Variants in SHROOM4 observed in about 807,000 individuals in gnomAD.
SHROOM4 encodes shroom family member 4.
Under a neutral mutation model 80.3 loss-of-function variants are expected in SHROOM4, and 17 were observed. The observed-to-expected ratio is 0.21, with a 90% CI of 0.14 to 0.32. The LOEUF (loss-of-function observed/expected upper bound fraction) is 0.32. SHROOM4 is among the 10% of genes least tolerant of loss of function. The pLI is 1.00. For synonymous variants in SHROOM4, 400 were observed against 437.5 expected, an observed-to-expected ratio of 0.91 and a Z score of 1.07; for missense variants, 993 against 1,140.3, an observed-to-expected ratio of 0.87 and a Z score of 1.86.
chrX:50,720,721 A>G (rs1363933156), intron 1 of SHROOM4, among the ~76,000 whole-genome samples: 2 of 111,693 alleles, frequency 1.8e-5, no homozygotes, highest in Non-Finnish European at 3.8e-5. Context: ...CCTCCCTAGC[A>G]AGCCTAAGGT....
chrX:50,782,653 A>G (rs1237318632), intron 1 of SHROOM4, among the ~76,000 whole-genome samples: 1 of 112,390 alleles, frequency 8.9e-6, no homozygotes, highest in Non-Finnish European at 1.9e-5. Context: ...CAATCGATAC[A>G]CACAATGGGA....
At chrX:50,804,034 G>A in intron 1 of SHROOM4, among the ~76,000 whole-genome samples, 1 of 112,020 alleles carries the variant, frequency 8.9e-6, no homozygotes, top group Non-Finnish European at 1.9e-5. Context: ...AATTCCCAAT[G>A]ATTAGGTAAC....
At chrX:50,724,394 A>C (rs909418402) in intron 1 of SHROOM4, among the ~76,000 whole-genome samples, 1 of 113,133 alleles carries the variant, frequency 8.8e-6, no homozygotes, top group Non-Finnish European at 1.9e-5. Context: ...GTATTTTTTA[A>C]GCTACTAAGT....
intron 1 of SHROOM4, among the ~76,000 whole-genome samples, chrX:50,722,651 T>C (rs1557265527): frequency 1.8e-5 from 2 of 110,143 alleles, no homozygotes; most frequent in African/African-American, 6.6e-5. Flanking sequence ...CTTTCATCTC[T>C]CTCTCTCTCT....
At position 50,734,296 on chromosome X, in the gene SHROOM4, T is replaced by C. The variant is rs782247346; in HGVS notation, c.118-38359A>G. Reference sequence around the variant, plus strand: ...CAAAAATTCATATGGGACCCAGAATTACAAGGGACCCAGAATACTGAAAAC... The same window carrying C: ...CAAAAATTCATATGGGACCCAGAATCACAAGGGACCCAGAATACTGAAAAC... On this transcript the variant is annotated intron_variant, in intron 1 of 8. Transcript: ENST00000376020. 5.4e-5 allele frequency among the ~76,000 whole-genome samples: 6 copies of C among 111,976 alleles called. No individual in the cohort carries two copies. In the South Asian group the frequency reaches 2.3e-3, roughly 42 times the overall value.
chrX:50,650,001 A>G (rs191554075), intron 2 of SHROOM4, among the ~76,000 whole-genome samples: 12 of 112,331 alleles, frequency 1.1e-4, no homozygotes, highest in African/African-American at 3.9e-4. Context: ...TCCAACATTT[A>G]GGAAGAGTTA....
intron 2 of SHROOM4, among the ~76,000 whole-genome samples, chrX:50,680,766 C>T (rs933833735): frequency 9.0e-6 from 1 of 111,278 alleles, no homozygotes; most frequent in Non-Finnish European, 1.9e-5. Context: ...TTAACCTTGA[C>T]CTATTTTCTC....
At chrX:50,697,081 C>A (rs1054118541) in intron 1 of SHROOM4, among the ~76,000 whole-genome samples, 2 of 111,507 alleles carry the variant, frequency 1.8e-5, no homozygotes, top group Admixed American at 9.5e-5. Context: ...GGACAACATG[C>A]TACATGCTAG....
rs782425494 is a variant in SHROOM4 at position 50,596,577 on chromosome X, T to C, written c.*118A>G. On this transcript the variant is annotated 3_prime_UTR_variant, in exon 9 of 9. Coordinates refer to ENST00000376020, the MANE Select transcript of SHROOM4 (RefSeq NM_020717.5). ...AAGGGGTAGTGAGAGACATCCAGGG[T>C]AGAGGGCTGGAACAAACTGCTAATT... is the stretch of plus-strand genomic sequence containing the variant. The C allele has an allele frequency of 1.0e-6, 1 of 979,745 alleles. No individual in the cohort carries two copies. Among genetic ancestry groups the C allele is most frequent in the African/African-American group, 1.9e-5 (1 of 53,508 alleles). The allele number at this position is 979,745 out of a possible 1,213,427, so 80.7% of individuals were successfully genotyped here.
At chrX:50,795,945 T>A (rs1397353483) in intron 1 of SHROOM4, among the ~76,000 whole-genome samples, 2 of 112,247 alleles carry the variant, frequency 1.8e-5, no homozygotes, top group Admixed American at 9.5e-5. Context: ...AGCTATTTTT[T>A]AAAATGTGGA....
At chrX:50,734,604 G>A (rs908977305) in intron 1 of SHROOM4, among the ~76,000 whole-genome samples, 2 of 110,287 alleles carry the variant, frequency 1.8e-5, no homozygotes, top group African/African-American at 6.6e-5. Context: ...TAGTACAAAC[G>A]GGGTTTCACC....
At chrX:50,637,303 A>G (rs1481793699) in intron 3 of SHROOM4, among the ~76,000 whole-genome samples, 1 of 111,978 alleles carries the variant, frequency 8.9e-6, no homozygotes, top group Non-Finnish European at 1.9e-5. Flanking sequence ...TTTTCTGCTC[A>G]TTCTTGCTCC....
At chrX:50,713,417 G>A (rs144538387) in intron 1 of SHROOM4, among the ~76,000 whole-genome samples, 3,257 of 110,438 alleles carry the variant, frequency 0.029, 119 homozygotes, top group African/African-American at 0.1. Flanking sequence ...GATTGCTTGA[G>A]CCCAGGAATT....
chrX:50,706,941 T>G (rs1032847066), intron 1 of SHROOM4, among the ~76,000 whole-genome samples: 3 of 111,464 alleles, frequency 2.7e-5, no homozygotes, highest in African/African-American at 9.8e-5. Context: ...GGAAGTTAAT[T>G]TAAAACACAC....
At position 50,633,593 on chromosome X, in the gene SHROOM4, T is replaced by C. The variant is rs146203956; in HGVS notation, c.2480A>G (p.Asp827Gly). 2.9e-5 allele frequency: 35 copies of C among 1,210,333 alleles called. No homozygotes were observed. The African/African-American group carries it at 5.8e-4, about 20-fold the overall frequency. ...TTGGTCTGCGGAATGATATGATTGG[T>C]CCATGGGATGGCGCCTCAATTCCCT... The part of the protein sequence containing the change: ...SCRELRRHPM[D>G]QSYHSADQPY... The change falls in exon 4 of 9, where the codon GAC becomes GGC. Residue 827 changes from aspartate to glycine, a missense_variant. Coordinates refer to ENST00000376020, the MANE Select transcript of SHROOM4 (RefSeq NM_020717.5).
chrX:50,787,460 G>A (rs1301729123), intron 1 of SHROOM4, among the ~76,000 whole-genome samples: 1 of 110,778 alleles, frequency 9.0e-6, no homozygotes, highest in Admixed American at 9.6e-5. Context: ...AGTTCCAGAA[G>A]GAGAGTAAAA....
intron 1 of SHROOM4, among the ~76,000 whole-genome samples, chrX:50,716,923 G>A (rs1312831925): frequency 8.0e-5 from 9 of 112,609 alleles, no homozygotes; most frequent in African/African-American, 2.9e-4. Context: ...CTTGTTATGT[G>A]AGATAATACA....
At chrX:50,798,581 G>T (rs782592512) in intron 1 of SHROOM4, among the ~76,000 whole-genome samples, 48 of 111,547 alleles carry the variant, frequency 4.3e-4, no homozygotes, top group African/African-American at 1.6e-3. Context: ...GGGTCAGGTA[G>T]AGTTGAGTTC....
intron 1 of SHROOM4, among the ~76,000 whole-genome samples, chrX:50,757,202 C>T (rs958965564): frequency 8.9e-6 from 1 of 112,221 alleles, no homozygotes; most frequent in Non-Finnish European, 1.9e-5. Context: ...CATTATTTTG[C>T]ATGTGAATAT....
Sources: gnomAD v4.1 joint callset for allele counts (sites outside exome capture counted in the v4.1 genomes callset) on GRCh38, gnomAD v4.1.1 for gene constraint, MANE v1.5 for transcripts, NCBI Gene and HGNC (gene_info 2026-07-23, HGNC 2026-07-21) for gene names.